The following LCMT1 variants were observed in gnomAD, a reference collection of about 807,000 sequenced individuals.
The protein encoded by LCMT1 is [Phosphatase 2A protein]-leucine-carboxy methyltransferase 1.
LCMT1 carries 32 observed loss-of-function variants against 47.7 expected under a neutral mutation model. The observed-to-expected ratio is 0.67, with a 90% CI of 0.51 to 0.90. LCMT1 has a LOEUF of 0.90. LCMT1 is among the 40% of genes least tolerant of loss of function. The pLI is 0.00. For missense variants in LCMT1, 375 were observed against 415.2 expected, an observed-to-expected ratio of 0.90 and a Z score of 0.84; for synonymous variants, 152 against 149.7, an observed-to-expected ratio of 1.02 and a Z score of -0.11.
At chr16:25,158,438 C>G (rs1056013664) in intron 5 of LCMT1, among the ~76,000 whole-genome samples, 1 of 152,218 alleles carries the variant, frequency 6.6e-6, no homozygotes, top group African/African-American at 2.4e-5. Flanking sequence ...CCCGGCCGGT[C>G]TGTTTCTTTA....
intron 5 of LCMT1, among the ~76,000 whole-genome samples, chr16:25,159,515 T>G (rs548360845): frequency 4.6e-5 from 7 of 152,194 alleles, no homozygotes; most frequent in Non-Finnish European, 8.8e-5. Context: ...ATCCTCCTGC[T>G]TGGGCCTCCC....
intron 2 of LCMT1, among the ~76,000 whole-genome samples, chr16:25,129,724 G>A (rs533999095): frequency 5.9e-5 from 9 of 152,272 alleles, no homozygotes; most frequent in Admixed American, 5.2e-4. Context: ...TAGGTGTCTG[G>A]ACTAATTATG....
In LCMT1 at chr16:25,177,301, C is replaced by T. The variant is rs569717670; in HGVS notation, c.983-700C>T. Among the ~76,000 whole-genome samples the T allele has an allele frequency of 2.0e-5, 3 of 152,226 alleles. No individual in the cohort carries two copies. The South Asian group carries it at 6.2e-4, about 32-fold the overall frequency. On this transcript the variant is annotated intron_variant, in intron 10 of 10. Coordinates refer to ENST00000399069, the MANE Select transcript of LCMT1 (RefSeq NM_016309.3). ...TAAAAAGTATGACTAAGAAAATCCA[C>T]CTGTATGCCTGTCAGTCAGAGATGA...
At chr16:25,116,322 C>G (rs986121392) in intron 1 of LCMT1, among the ~76,000 whole-genome samples, 1 of 152,200 alleles carries the variant, frequency 6.6e-6, no homozygotes, top group African/African-American at 2.4e-5. Flanking sequence ...ACAGTCACTT[C>G]TATCAGCTGG....
intron 5 of LCMT1, chr16:25,160,860 G>A (rs994343267): frequency 3.2e-6 from 2 of 621,858 alleles, no homozygotes; most frequent in Admixed American, 2.1e-5. Context: ...CATGAGAGGG[G>A]ATGTGTTTTT....
intron 4 of LCMT1, chr16:25,147,287 C>T (rs1960890944): frequency 6.6e-6 from 1 of 152,336 alleles, no homozygotes; most frequent in African/African-American, 2.4e-5. Context: ...CAGCCCTGGG[C>T]CAGTGGGGAA....
chr16:25,137,941 AC>A (rs72336437), intron 3 of LCMT1, among the ~76,000 whole-genome samples: 14,393 of 151,072 alleles, frequency 0.095, 964 homozygotes, highest in Non-Finnish European at 0.15. Flanking sequence ...TGCCGCACTC[AC>A]CCCCCCGGGA....
chr16:25,139,649 T>G (rs1394468972), intron 3 of LCMT1, among the ~76,000 whole-genome samples: 1 of 152,194 alleles, frequency 6.6e-6, no homozygotes, highest in Non-Finnish European at 1.5e-5. Context: ...TTCCTGACCC[T>G]CCTAATGGAG....
At chr16:25,122,674 G>A (rs753007443) in intron 1 of LCMT1, among the ~76,000 whole-genome samples, 2 of 152,054 alleles carry the variant, frequency 1.3e-5, no homozygotes, top group Non-Finnish European at 2.9e-5. Context: ...GTTTGGTTGT[G>A]TTTTTCTTGC....
At chr16:25,163,496 A>G (rs1180697145) in intron 6 of LCMT1, among the ~76,000 whole-genome samples, 1 of 151,646 alleles carries the variant, frequency 6.6e-6, no homozygotes, top group South Asian at 2.1e-4. Flanking sequence ...AGAATCTAAT[A>G]TATATGTGTA....
intron 4 of LCMT1, chr16:25,144,411 A>G (rs1960788496): frequency 1.3e-5 from 2 of 152,208 alleles, no homozygotes; most frequent in Non-Finnish European, 2.9e-5. Flanking sequence ...TCCCTCCACA[A>G]AGCTACTGCC....
intron 4 of LCMT1, chr16:25,144,266 A>C (rs1960784127): frequency 6.6e-6 from 1 of 151,568 alleles, no homozygotes; most frequent in Non-Finnish European, 1.5e-5. Flanking sequence ...GTATAAATTT[A>C]CTCCCTCCCT....
At chr16:25,155,959 C>T (rs1364735742) in intron 5 of LCMT1, among the ~76,000 whole-genome samples, 1 of 152,210 alleles carries the variant, frequency 6.6e-6, no homozygotes, top group Admixed American at 6.5e-5. Context: ...GGATTAAGGG[C>T]GTGAGCCCCC....
chr16:25,147,034 A>G (rs935748251), intron 4 of LCMT1: 2 of 152,194 alleles, frequency 1.3e-5, no homozygotes, highest in African/African-American at 2.4e-5. Context: ...CCACCTGGCT[A>G]TTGGCATATT....
intron 1 of LCMT1, among the ~76,000 whole-genome samples, chr16:25,117,977 A>T (rs939634612): frequency 6.6e-6 from 1 of 152,142 alleles, no homozygotes; most frequent in African/African-American, 2.4e-5. Context: ...TATTTGGCTA[A>T]GTAAGGAAAG....
intron 2 of LCMT1, among the ~76,000 whole-genome samples, chr16:25,130,675 T>C (rs1033998198): frequency 3.3e-5 from 5 of 152,180 alleles, no homozygotes; most frequent in Admixed American, 1.3e-4. Flanking sequence ...AGATTTATTT[T>C]CCTCCCCGGC....
At chr16:25,145,517 A>G (rs1218636158) in intron 4 of LCMT1, 1 of 152,236 alleles carries the variant, frequency 6.6e-6, no homozygotes. Context: ...AAAAGAAAGC[A>G]TCCTTGAAGT....
At position 25,178,068 on chromosome 16, in the gene LCMT1, C is replaced by T. The variant is rs1225642520; in HGVS notation, c.*45C>T. The T allele has an allele frequency of 3.7e-6, 6 of 1,606,206 alleles. No homozygotes were observed. The East Asian group carries it at 1.1e-4, about 30-fold the overall frequency. ...GAGCCAGAAGCCGAAGCCACTTGCC[C>T]TCCTGGAGGAGACCTGCAAGCTCCC... On this transcript the variant is annotated 3_prime_UTR_variant, in exon 11 of 11. Transcript: ENST00000399069.
chr16:25,155,206 A>G (rs1027883248), intron 5 of LCMT1, among the ~76,000 whole-genome samples: 3 of 152,020 alleles, frequency 2.0e-5, no homozygotes, highest in Non-Finnish European at 4.4e-5. Flanking sequence ...TTTTTTTTTA[A>G]GCTAAAGTCT....
Sources: allele counts gnomAD v4.1 joint callset (sites outside exome capture counted in the v4.1 genomes callset), GRCh38; gene constraint gnomAD v4.1.1; transcripts MANE v1.5; gene names NCBI Gene and HGNC (gene_info 2026-07-23, HGNC 2026-07-21).